SLC4A10: variants seen among roughly 807,000 people sequenced by gnomAD.
SLC4A10 encodes the protein sodium-driven chloride bicarbonate exchanger.
In SLC4A10, 42 loss-of-function variants were observed where a neutral mutation model predicts 137.7. The ratio of observed to expected loss-of-function variants is 0.30; its 90% CI spans 0.24 to 0.39. SLC4A10 has a LOEUF of 0.39. Ranked by LOEUF, SLC4A10 falls within the 10% of genes least tolerant of loss-of-function variation. SLC4A10 has a pLI of 1.00. For missense variants in SLC4A10, 925 were observed against 1,355.0 expected, an observed-to-expected ratio of 0.68 and a Z score of 4.98; for synonymous variants, 474 against 464.1, an observed-to-expected ratio of 1.02 and a Z score of -0.27.
chr2:161,762,960 A>G (rs544848384), intron 1 of SLC4A10, among the ~76,000 whole-genome samples: 113 of 152,228 alleles, frequency 7.4e-4, no homozygotes, highest in Non-Finnish European at 9.7e-4. Flanking sequence ...TATATTAATG[A>G]AGATACTAAC....
intron 1 of SLC4A10, among the ~76,000 whole-genome samples, chr2:161,714,049 A>G (rs2044585221): frequency 1.3e-5 from 2 of 151,934 alleles, no homozygotes; most frequent in Admixed American, 6.6e-5. Context: ...GGAATTCTAC[A>G]GGGAGAGTTA....
In SLC4A10 at chr2:161,645,489, C is replaced by G. The variant is rs1216857378; in HGVS notation, c.48+20923C>G. On this transcript the variant is annotated intron_variant, in intron 1 of 26. Coordinates refer to ENST00000446997, the MANE Select transcript of SLC4A10 (RefSeq NM_001178015.2). ...GTTAGCCTCATCCTGATATTTTTCC[C>G]CAGTTTTCCCCAAGTGAATTAGTAA... Among the ~76,000 whole-genome samples the G allele has an allele frequency of 3.3e-5, 5 of 151,764 alleles. No homozygotes were observed. The East Asian group carries it at 9.7e-4, about 29-fold the overall frequency.
chr2:161,818,794 A>G (rs1431935814), intron 3 of SLC4A10, among the ~76,000 whole-genome samples: 1 of 152,168 alleles, frequency 6.6e-6, no homozygotes, highest in Non-Finnish European at 1.5e-5. Context: ...CGATTTGCAT[A>G]TGTTGAACCA....
chr2:161,625,284 A>G (rs2032076608), intron 1 of SLC4A10, among the ~76,000 whole-genome samples: 1 of 151,884 alleles, frequency 6.6e-6, no homozygotes, highest in Non-Finnish European at 1.5e-5. Context: ...CCTACATTTA[A>G]TTTTTGTGTA....
Position 161,932,464 on chromosome 2 carries a change from T to A in SLC4A10, c.1998-10328T>A, listed in dbSNP as rs146893385. Among the ~76,000 whole-genome samples, 74 of 152,330 alleles carry A rather than the reference T, an allele frequency of 4.9e-4. 1 individual carries two copies. The East Asian group carries it at 0.011, about 23-fold the overall frequency. ...CTACTTTTTAAAATAAGCACTCATCTCATTTCAGACTATGGACATGCTACT... is the reference window on the plus strand; with the variant it reads ...CTACTTTTTAAAATAAGCACTCATCACATTTCAGACTATGGACATGCTACT... On this transcript the variant is annotated intron_variant, in intron 15 of 26. Transcript: ENST00000446997.
chr2:161,722,056 AAAC>A (rs1237060313), intron 1 of SLC4A10, among the ~76,000 whole-genome samples: 3 of 152,154 alleles, frequency 2.0e-5, no homozygotes, highest in Non-Finnish European at 4.4e-5. Context: ...GTTCCTCTCT[AAAC>A]TGTTTATTCT....
chr2:161,863,159 A>G, intron 6 of SLC4A10, 97 bp downstream of exon 6: 1 of 1,125,786 alleles, frequency 8.9e-7, no homozygotes, highest in Non-Finnish European at 1.2e-6. Context: ...TTTGAAAATG[A>G]TTTTTTGAAA....
intron 15 of SLC4A10, among the ~76,000 whole-genome samples, chr2:161,921,061 A>G (rs1688040294): frequency 6.6e-6 from 1 of 152,250 alleles, no homozygotes; most frequent in South Asian, 2.1e-4. Context: ...GTGATATAAC[A>G]AGCACTATAC....
chr2:161,909,957 G>A (rs1685439032), intron 15 of SLC4A10, among the ~76,000 whole-genome samples: 1 of 152,076 alleles, frequency 6.6e-6, no homozygotes, highest in Non-Finnish European at 1.5e-5. Context: ...TACTTTAGAT[G>A]TTGCTGGTCT....
At chr2:161,670,187 A>G (rs890690710) in intron 1 of SLC4A10, among the ~76,000 whole-genome samples, 3 of 152,194 alleles carry the variant, frequency 2.0e-5, no homozygotes, top group Admixed American at 6.6e-5. Flanking sequence ...CTTTCCCAGT[A>G]TCCGATTTGC....
intron 2 of SLC4A10, among the ~76,000 whole-genome samples, chr2:161,797,239 G>A (rs1318249187): frequency 6.6e-6 from 1 of 151,836 alleles, no homozygotes; most frequent in Admixed American, 6.6e-5. Context: ...CCCTTCAATT[G>A]CTCTTCTGTT....
intron 1 of SLC4A10, among the ~76,000 whole-genome samples, chr2:161,731,777 A>C (rs987105405): frequency 6.6e-6 from 1 of 152,102 alleles, no homozygotes; most frequent in Non-Finnish European, 1.5e-5. Context: ...ACATGACTTA[A>C]AATTTACATC....
chr2:161,721,841 C>T (rs1244335173), intron 1 of SLC4A10, among the ~76,000 whole-genome samples: 2 of 152,164 alleles, frequency 1.3e-5, no homozygotes, highest in Non-Finnish European at 2.9e-5. Flanking sequence ...ATAGTTTGGT[C>T]TTTTTACATA....
At position 161,639,892 on chromosome 2, in the gene SLC4A10, A is replaced by G. The variant is rs902321638; in HGVS notation, c.48+15326A>G. 1.1e-4 allele frequency among the ~76,000 whole-genome samples: 17 copies of G among 152,292 alleles called. No homozygotes were observed. In the South Asian group the frequency reaches 3.5e-3, roughly 32 times the overall value. ...AAAAACCCTACGCACTTCACCAAAAAACTGTTAGAGCTAGAACATAAGTGC... is the reference window on the plus strand; with the variant it reads ...AAAAACCCTACGCACTTCACCAAAAGACTGTTAGAGCTAGAACATAAGTGC... On this transcript the variant is annotated intron_variant, in intron 1 of 26. Coordinates refer to ENST00000446997, the MANE Select transcript of SLC4A10 (RefSeq NM_001178015.2).
chr2:161,708,645 T>C, intron 1 of SLC4A10: 5 of 1,461,430 alleles, frequency 3.4e-6, no homozygotes, highest in Non-Finnish European at 3.6e-6. Context: ...GATGATGGCT[T>C]AAACAGATAC....
intron 1 of SLC4A10, among the ~76,000 whole-genome samples, chr2:161,676,479 T>C (rs1267309380): frequency 1.3e-5 from 2 of 152,196 alleles, no homozygotes; most frequent in African/African-American, 4.8e-5. Context: ...ATTTAGGTGG[T>C]GTGGTAATAT....
chr2:161,778,795 C>A, intron 2 of SLC4A10, among the ~76,000 whole-genome samples: 1 of 151,830 alleles, frequency 6.6e-6, no homozygotes. Context: ...TTGCTTTTAG[C>A]AGATATTAAA....
At chr2:161,658,886 T>C (rs1314101445) in intron 1 of SLC4A10, among the ~76,000 whole-genome samples, 1 of 152,136 alleles carries the variant, frequency 6.6e-6, no homozygotes, top group Non-Finnish European at 1.5e-5. Context: ...CCACCGAGCC[T>C]GGCCAGTTTT....
At chr2:161,673,228 G>T (rs1455611255) in intron 1 of SLC4A10, among the ~76,000 whole-genome samples, 1 of 152,146 alleles carries the variant, frequency 6.6e-6, no homozygotes, top group Non-Finnish European at 1.5e-5. Context: ...CTCACCCTGT[G>T]ACCCTGGGAT....
Sources: gnomAD v4.1 joint callset for allele counts (sites outside exome capture counted in the v4.1 genomes callset) on GRCh38, gnomAD v4.1.1 for gene constraint, MANE v1.5 for transcripts, NCBI Gene and HGNC (gene_info 2026-07-23, HGNC 2026-07-21) for gene names.